ZFP1: variants seen among roughly 807,000 people sequenced by gnomAD.
ZFP1 encodes the protein ZFP1 zinc finger protein, also known as zinc finger protein 1 homolog.
A neutral mutation model predicts 38.5 loss-of-function variants in ZFP1; 32 were observed. The ratio of observed to expected loss-of-function variants is 0.83; its 90% confidence interval spans 0.63 to 1.12. ZFP1 has a LOEUF of 1.12. Ranked by LOEUF, ZFP1 falls within the 50% of genes most tolerant of loss-of-function variation. The pLI is 0.00. For missense variants in ZFP1, 616 were observed against 480.8 expected (o/e 1.28, Z -2.63); for synonymous variants, 245 against 168.8 (o/e 1.45, Z -3.50).
chr16:75,155,582 A>G (rs912229905), intron 2 of ZFP1, among the ~76,000 whole-genome samples: 1 of 152,248 alleles, frequency 6.6e-6, no homozygotes, highest in Admixed American at 6.5e-5. Context: ...CACTCTTTAA[A>G]TGTGTTATAA....
chr16:75,142,347 C>G, the ZFP1 span, among the ~76,000 whole-genome samples: 1 of 148,410 alleles, frequency 6.7e-6, no homozygotes, highest in Non-Finnish European at 1.5e-5. Context: ...AGCCTGGTGA[C>G]AGAGCAAGAC....
At chr16:75,138,777 C>A in the ZFP1 span, among the ~76,000 whole-genome samples, 2 of 152,210 alleles carry the variant, frequency 1.3e-5, no homozygotes, top group East Asian at 3.8e-4. Flanking sequence ...CAGGCTGCCC[C>A]CTGCGGCTTT....
intron 2 of ZFP1, among the ~76,000 whole-genome samples, chr16:75,161,930 G>A (rs1220943534): frequency 8.2e-5 from 12 of 145,998 alleles, no homozygotes; most frequent in Non-Finnish European, 1.4e-4. Context: ...GACTACAGGC[G>A]CCCGCTACTG....
chr16:75,161,636 C>CT (rs1162961806), intron 2 of ZFP1, among the ~76,000 whole-genome samples: 10 of 149,988 alleles, frequency 6.7e-5, no homozygotes, highest in Non-Finnish European at 1.5e-4. Context: ...AACTCACAGG[C>CT]TTTTCTCTTT....
chr16:75,143,483 T>G, the ZFP1 span, among the ~76,000 whole-genome samples: 1 of 152,082 alleles, frequency 6.6e-6, no homozygotes, highest in African/African-American at 2.4e-5. Context: ...TGACCTCAGA[T>G]GATCTGCCCG....
the ZFP1 span, among the ~76,000 whole-genome samples, chr16:75,134,135 T>C: frequency 6.6e-6 from 1 of 152,180 alleles, no homozygotes; most frequent in South Asian, 2.1e-4. Flanking sequence ...TAGGATTTCT[T>C]TCAAGATGAT....
At chr16:75,131,469 A>G in the ZFP1 span, among the ~76,000 whole-genome samples, 16 of 152,126 alleles carry the variant, frequency 1.1e-4, no homozygotes, top group Admixed American at 9.8e-4. Context: ...GCAAATGAGA[A>G]GCATCACGTT....
At chr16:75,162,075 G>A (rs908888169) in intron 2 of ZFP1, among the ~76,000 whole-genome samples, 7 of 151,500 alleles carry the variant, frequency 4.6e-5, no homozygotes, top group Non-Finnish European at 7.4e-5. Context: ...GTGAACCACC[G>A]TGCCCAGCCG....
At chr16:75,162,951 C>T (rs1387301086) in intron 2 of ZFP1, among the ~76,000 whole-genome samples, 1 of 151,438 alleles carries the variant, frequency 6.6e-6, no homozygotes, top group Non-Finnish European at 1.5e-5. Flanking sequence ...GCTCTGTTGC[C>T]CAGGCTGGAG....
At chr16:75,144,796 T>C (rs1261165367), upstream of ZFP1, among the ~76,000 whole-genome samples, 1 of 152,210 alleles carries the variant, frequency 6.6e-6, no homozygotes, top group Non-Finnish European at 1.5e-5. Flanking sequence ...AATCATACAG[T>C]ATTTGTCCTT....
At chr16:75,167,270 G>A (rs1343802294) in intron 3 of ZFP1, among the ~76,000 whole-genome samples, 2 of 152,208 alleles carry the variant, frequency 1.3e-5, no homozygotes, top group East Asian at 1.9e-4. Context: ...GAGCAGCTCA[G>A]TACCTTTGAA....
intron 2 of ZFP1, among the ~76,000 whole-genome samples, chr16:75,153,893 C>A (rs894722511): frequency 1.3e-5 from 2 of 152,214 alleles, no homozygotes; most frequent in African/African-American, 4.8e-5. Flanking sequence ...GATCTTTCTA[C>A]TGTCTCATCT....
rs1481945416 is a variant in ZFP1, at chr16:75,164,814, T to G, written c.16-1956T>G. On this transcript the variant is annotated intron_variant, in intron 2 of 3. Transcript: ENST00000570010. Reference sequence around the variant, plus strand: ...TCAGATTTTAGTTTCCATAAGTTTTTTTTTTTTTTTGAGGCGGAGTTTCAC... The same window carrying G: ...TCAGATTTTAGTTTCCATAAGTTTTGTTTTTTTTTTGAGGCGGAGTTTCAC... Among the ~76,000 whole-genome samples the G allele has an allele frequency of 3.1e-4, 47 of 152,124 alleles. 2 individuals carry two copies.
chr16:75,142,977 C>T, the ZFP1 span, among the ~76,000 whole-genome samples: 1 of 152,158 alleles, frequency 6.6e-6, no homozygotes, highest in African/African-American at 2.4e-5. Context: ...GCTGGGATTA[C>T]AGGCCTGAGC....
intron 2 of ZFP1, among the ~76,000 whole-genome samples, chr16:75,161,752 T>C (rs1399733041): frequency 2.0e-5 from 1 of 51,258 alleles, no homozygotes; most frequent in African/African-American, 7.4e-5. Context: ...ATAGTAGTTT[T>C]ATGAAATATA....
chr16:75,120,927 C>A, the ZFP1 span, among the ~76,000 whole-genome samples: 1 of 151,986 alleles, frequency 6.6e-6, no homozygotes, highest in Admixed American at 6.6e-5. Context: ...ACCCAGCCTA[C>A]CCTTGGGTTT....
At chr16:75,121,805 T>C in the ZFP1 span, among the ~76,000 whole-genome samples, 3 of 152,206 alleles carry the variant, frequency 2.0e-5, no homozygotes, top group African/African-American at 7.2e-5. Context: ...TTTTCAAGTT[T>C]ATGTAACTCA....
intron 1 of ZFP1, among the ~76,000 whole-genome samples, chr16:75,151,645 A>G (rs770443580): frequency 6.6e-6 from 1 of 152,188 alleles, no homozygotes. Context: ...GTTGTCATAC[A>G]TGTTGCAGAA....
At chr16:75,163,034 C>G (rs1359984458) in intron 2 of ZFP1, among the ~76,000 whole-genome samples, 1 of 151,174 alleles carries the variant, frequency 6.6e-6, no homozygotes, top group African/African-American at 2.4e-5. Context: ...CTCAGCCTCC[C>G]GAGTAGCTGG....
Sources: allele counts gnomAD v4.1 joint callset (sites outside exome capture counted in the v4.1 genomes callset), GRCh38; gene constraint gnomAD v4.1.1; transcripts MANE v1.5; gene names NCBI Gene and HGNC (gene_info 2026-07-23, HGNC 2026-07-21).